The following PPARGC1A variants were observed in gnomAD, a reference collection of about 807,000 sequenced individuals.
The protein encoded by PPARGC1A is peroxisome proliferator-activated receptor gamma coactivator 1-alpha.
PPARGC1A carries 25 observed loss-of-function variants against 88.7 expected under a neutral mutation model. The observed-to-expected ratio is 0.28, with a 90% confidence interval of 0.21 to 0.39. The LOEUF (loss-of-function observed/expected upper bound fraction) is 0.39, where lower values mean the gene tolerates loss of function less well. PPARGC1A is among the 10% of genes least tolerant of loss of function. PPARGC1A has a pLI of 1.00. For synonymous variants in PPARGC1A, 363 were observed against 355.6 expected (o/e 1.02, Z -0.24); for missense variants, 880 against 968.7 (o/e 0.91, Z 1.22).
At chr4:23,920,234 C>T in the PPARGC1A span, among the ~76,000 whole-genome samples, 1 of 152,226 alleles carries the variant, frequency 6.6e-6, no homozygotes, top group Middle Eastern at 3.4e-3. Flanking sequence ...GGGTTAAGAT[C>T]AAGTACAGGG....
chr4:24,322,595 G>A, the PPARGC1A span, among the ~76,000 whole-genome samples: 1 of 152,250 alleles, frequency 6.6e-6, no homozygotes, highest in Non-Finnish European at 1.5e-5. Context: ...GCTACAGACA[G>A]TGTTGTGCTG....
the PPARGC1A span, among the ~76,000 whole-genome samples, chr4:24,036,475 A>G: frequency 6.6e-6 from 1 of 152,214 alleles, no homozygotes; most frequent in African/African-American, 2.4e-5. Flanking sequence ...CATGAACTCC[A>G]AACTGGAAAC....
intron 12 of PPARGC1A, among the ~76,000 whole-genome samples, chr4:23,799,368 G>A (rs927012092): frequency 3.9e-5 from 6 of 152,040 alleles, no homozygotes; most frequent in South Asian, 2.1e-4. Context: ...TGCCAGACAC[G>A]TGCTAATAGC....
chr4:23,945,065 C>T, the PPARGC1A span, among the ~76,000 whole-genome samples: 7 of 152,090 alleles, frequency 4.6e-5, no homozygotes, highest in East Asian at 1.4e-3. Context: ...CTCATAGGGG[C>T]TAGTATGTAT....
chr4:24,075,108 C>A, the PPARGC1A span, among the ~76,000 whole-genome samples: 1 of 152,160 alleles, frequency 6.6e-6, no homozygotes, highest in Non-Finnish European at 1.5e-5. Context: ...TTGCAGAAAG[C>A]TTCAGGTGTC....
the PPARGC1A span, among the ~76,000 whole-genome samples, chr4:24,389,397 A>G: frequency 6.6e-6 from 1 of 152,168 alleles, no homozygotes; most frequent in Non-Finnish European, 1.5e-5. Context: ...GAGGGGTTCA[A>G]ATTCAAGCTC....
chr4:24,394,047 TAATA>T, the PPARGC1A span, among the ~76,000 whole-genome samples: 1 of 152,172 alleles, frequency 6.6e-6, no homozygotes, highest in Non-Finnish European at 1.5e-5. Flanking sequence ...ACTGTAAAGA[TAATA>T]AATGAGAACA....
the PPARGC1A span, among the ~76,000 whole-genome samples, chr4:24,161,716 A>G: frequency 2.0e-5 from 3 of 152,306 alleles, no homozygotes; most frequent in East Asian, 5.8e-4. Flanking sequence ...CCGATGGTAA[A>G]TTCAGAGAAG....
At chr4:23,937,723 A>G in the PPARGC1A span, among the ~76,000 whole-genome samples, 1 of 152,122 alleles carries the variant, frequency 6.6e-6, no homozygotes, top group Non-Finnish European at 1.5e-5. Flanking sequence ...TATACATACT[A>G]TAAGTCTGAA....
the PPARGC1A span, among the ~76,000 whole-genome samples, chr4:24,350,978 T>A: frequency 0.01 from 2 of 198 alleles, no homozygotes; most frequent in African/African-American, 0.011. Context: ...AAAAGAACAA[T>A]TTTTTTTTTT....
chr4:24,336,410 C>T, the PPARGC1A span, among the ~76,000 whole-genome samples: 447 of 152,112 alleles, frequency 2.9e-3, no homozygotes, highest in Non-Finnish European at 5.4e-3. Context: ...ATTTTTTTCA[C>T]GGCTTTTTCT....
At chr4:23,860,859 C>T (rs910928387) in intron 2 of PPARGC1A, among the ~76,000 whole-genome samples, 9 of 152,178 alleles carry the variant, frequency 5.9e-5, no homozygotes, top group South Asian at 2.1e-4. Flanking sequence ...GGCTTGCACT[C>T]TGCCTACTAG....
chr4:24,029,585 G>A, the PPARGC1A span, among the ~76,000 whole-genome samples: 2 of 152,166 alleles, frequency 1.3e-5, no homozygotes, highest in African/African-American at 4.8e-5. Context: ...CTATCTTAGA[G>A]GAAGGGTTAA....
the PPARGC1A span, among the ~76,000 whole-genome samples, chr4:24,053,935 T>C: frequency 1.3e-5 from 2 of 152,082 alleles, no homozygotes; most frequent in Non-Finnish European, 2.9e-5. Flanking sequence ...CAACCAAACC[T>C]CTGGATGGAA....
chr4:24,188,999 T>C, the PPARGC1A span, among the ~76,000 whole-genome samples: 1 of 152,120 alleles, frequency 6.6e-6, no homozygotes, highest in African/African-American at 2.4e-5. Flanking sequence ...CGCTACAACA[T>C]GGATGAACCT....
the PPARGC1A span, among the ~76,000 whole-genome samples, chr4:24,309,942 C>T: frequency 6.6e-6 from 1 of 152,078 alleles, no homozygotes; most frequent in Non-Finnish European, 1.5e-5. Context: ...GTATGTAAAG[C>T]ATTGAATAGG....
At chr4:24,365,151 T>C in the PPARGC1A span, among the ~76,000 whole-genome samples, 2 of 128,736 alleles carry the variant, frequency 1.6e-5, no homozygotes, top group Middle Eastern at 3.8e-3. Context: ...AGAGATGGCA[T>C]TGAAAAAAAA....
intron 2 of PPARGC1A, among the ~76,000 whole-genome samples, chr4:23,869,342 G>A (rs1183944180): frequency 6.6e-6 from 1 of 152,186 alleles, no homozygotes; most frequent in East Asian, 1.9e-4. Context: ...TGCTCACAGT[G>A]GTCGAGGAGG....
the PPARGC1A span, among the ~76,000 whole-genome samples, chr4:23,971,719 A>G: frequency 6.6e-6 from 1 of 152,164 alleles, no homozygotes; most frequent in Admixed American, 6.5e-5. Flanking sequence ...TTCCCAGCGC[A>G]CTGACTCAAA....
Sources: allele counts gnomAD v4.1 joint callset (sites outside exome capture counted in the v4.1 genomes callset), GRCh38; gene constraint gnomAD v4.1.1; transcripts MANE v1.5; gene names NCBI Gene and HGNC (gene_info 2026-07-23, HGNC 2026-07-21).